The following ITFG1 variants were observed in gnomAD, a reference collection of about 807,000 sequenced individuals.
ITFG1 encodes the protein T-cell immunomodulatory protein.
In ITFG1, 34 loss-of-function variants were observed where a neutral mutation model predicts 81.8. The ratio of observed to expected loss-of-function variants is 0.42; its 90% CI spans 0.32 to 0.55. ITFG1 has a LOEUF of 0.55. Among genes scored for constraint, ITFG1 ranks in the 20% least tolerant of loss-of-function variants. The pLI is 0.17. For missense variants in ITFG1, 672 were observed against 755.4 expected, an observed-to-expected ratio of 0.89 and a Z score of 1.29; for synonymous variants, 285 against 270.6, an observed-to-expected ratio of 1.05 and a Z score of -0.52.
chr16:47,429,335 C>T (rs1969064456), intron 5 of ITFG1, among the ~76,000 whole-genome samples: 2 of 152,198 alleles, frequency 1.3e-5, no homozygotes, highest in Admixed American at 1.3e-4. Context: ...TATGGGTTTA[C>T]ATTTTGCTTA....
chr16:47,222,974 A>T (rs1402097914), intron 13 of ITFG1, among the ~76,000 whole-genome samples: 1 of 152,064 alleles, frequency 6.6e-6, no homozygotes, highest in African/African-American at 2.4e-5. Context: ...GAGAAAAACA[A>T]GCAATGGGGA....
intron 5 of ITFG1, among the ~76,000 whole-genome samples, chr16:47,437,859 G>T (rs1365796168): frequency 6.6e-6 from 1 of 152,216 alleles, no homozygotes; most frequent in Non-Finnish European, 1.5e-5. Flanking sequence ...GCAGCGCACC[G>T]TGTGTGAGCA....
intron 14 of ITFG1, among the ~76,000 whole-genome samples, chr16:47,198,699 G>A (rs1031673620): frequency 2.0e-5 from 3 of 152,122 alleles, no homozygotes; most frequent in African/African-American, 7.2e-5. Flanking sequence ...AGACTTTCTA[G>A]TGGAACAAGA....
At chr16:47,224,150 A>C (rs573590362) in intron 13 of ITFG1, among the ~76,000 whole-genome samples, 1 of 152,304 alleles carries the variant, frequency 6.6e-6, no homozygotes, top group African/African-American at 2.4e-5. Flanking sequence ...CCAGCATGGC[A>C]CATGTATACA....
chr16:47,159,011 A>G, intron 16 of ITFG1, 21 bp from the exon 17 acceptor site: 1 of 1,254,192 alleles, frequency 8.0e-7, no homozygotes, highest in Non-Finnish European at 1.1e-6. Context: ...AAACAGAACA[A>G]ATTAAAATTA....
At chr16:47,178,517 A>C (rs1965057733) in intron 14 of ITFG1, among the ~76,000 whole-genome samples, 1 of 152,226 alleles carries the variant, frequency 6.6e-6, no homozygotes, top group Admixed American at 6.5e-5. Flanking sequence ...AAAACTGGCT[A>C]GACATATGTA....
At chr16:47,265,109 T>C (rs1966260478) in intron 10 of ITFG1, among the ~76,000 whole-genome samples, 3 of 151,710 alleles carry the variant, frequency 2.0e-5, no homozygotes, top group Admixed American at 2.0e-4. Context: ...ACTGCTATTA[T>C]TATTATTATT....
At chr16:47,300,378 G>A (rs184731991) in intron 10 of ITFG1, among the ~76,000 whole-genome samples, 2 of 152,314 alleles carry the variant, frequency 1.3e-5, no homozygotes, top group Admixed American at 1.3e-4. Context: ...CTACCACTTG[G>A]TCACAACGGT....
At chr16:47,230,364 G>T (rs1195633742) in intron 13 of ITFG1, among the ~76,000 whole-genome samples, 1 of 152,132 alleles carries the variant, frequency 6.6e-6, no homozygotes, top group East Asian at 1.9e-4. Context: ...AAGCTCAAAG[G>T]CTAGACGATA....
chr16:47,301,805 T>C (rs1194332276), intron 10 of ITFG1, among the ~76,000 whole-genome samples: 1 of 152,232 alleles, frequency 6.6e-6, no homozygotes, highest in Non-Finnish European at 1.5e-5. Flanking sequence ...CTATATCTGG[T>C]GCTTATTTCC....
At chr16:47,181,383 C>T (rs1385800978) in intron 14 of ITFG1, among the ~76,000 whole-genome samples, 4 of 147,376 alleles carry the variant, frequency 2.7e-5, no homozygotes, top group Non-Finnish European at 6.0e-5. Flanking sequence ...GGCCAGCCAC[C>T]CCGTCCGGCA....
chr16:47,177,021 C>G (rs1965036223), intron 14 of ITFG1, among the ~76,000 whole-genome samples: 1 of 150,560 alleles, frequency 6.6e-6, no homozygotes, highest in Non-Finnish European at 1.5e-5. Flanking sequence ...TGCCTATGAT[C>G]ACACCATAGC....
intron 6 of ITFG1, among the ~76,000 whole-genome samples, chr16:47,413,574 T>C (rs914204132): frequency 6.6e-6 from 1 of 152,070 alleles, no homozygotes; most frequent in Admixed American, 6.5e-5. Context: ...CACACATCTG[T>C]AATCCCATCT....
chr16:47,305,097 C>A (rs1043333123), intron 10 of ITFG1, among the ~76,000 whole-genome samples: 2 of 152,112 alleles, frequency 1.3e-5, no homozygotes, highest in African/African-American at 2.4e-5. Context: ...TGAAATTTAT[C>A]TTGGTACCAC....
At chr16:47,171,839 G>A (rs959953995) in intron 14 of ITFG1, among the ~76,000 whole-genome samples, 1 of 152,180 alleles carries the variant, frequency 6.6e-6, no homozygotes, top group Non-Finnish European at 1.5e-5. Flanking sequence ...TACTCAGAGA[G>A]TATATAAAAT....
At position 47,454,112 on chromosome 16, in the gene ITFG1, C is replaced by T. The variant is rs1198006614; in HGVS notation, c.328G>A (p.Gly110Arg). ...ITSVVPGDYDGDSQMDVLLTY... is the reference protein window; with the variant it reads ...ITSVVPGDYDRDSQMDVLLTY... ...AGAAGGACATCCATTTGAGAATCTCCATCATAATCCCCAGGGACTACACTT... is the reference window on the plus strand; with the variant it reads ...AGAAGGACATCCATTTGAGAATCTCTATCATAATCCCCAGGGACTACACTT... The change falls in exon 3 of 18, where the codon GGA becomes AGA. Residue 110 changes from glycine to arginine, a missense_variant. Coordinates refer to ENST00000320640, the MANE Select transcript of ITFG1 (RefSeq NM_030790.5). The T allele has an allele frequency of 1.7e-5, 27 of 1,607,208 alleles. No homozygotes were observed. Among genetic ancestry groups the T allele is most frequent in the Non-Finnish European group, 2.3e-5 (27 of 1,174,326 alleles).
At chr16:47,240,129 G>GAA (rs569857397) in intron 12 of ITFG1, among the ~76,000 whole-genome samples, 6 of 107,262 alleles carry the variant, frequency 5.6e-5, no homozygotes, top group Admixed American at 1.0e-4. Context: ...CTGTCTACCA[G>GAA]AAAAAAAAAA....
intron 5 of ITFG1, among the ~76,000 whole-genome samples, chr16:47,443,419 A>C (rs1364678400): frequency 6.6e-6 from 1 of 152,180 alleles, no homozygotes; most frequent in Non-Finnish European, 1.5e-5. Context: ...AAGGATTATA[A>C]ATCATGCTGC....
At chr16:47,183,145 G>A (rs1455011115) in intron 14 of ITFG1, among the ~76,000 whole-genome samples, 2 of 152,208 alleles carry the variant, frequency 1.3e-5, no homozygotes, top group East Asian at 1.9e-4. Context: ...ACGGAGTCTC[G>A]CTGATTGCCA....
Sources: allele counts gnomAD v4.1 joint callset (sites outside exome capture counted in the v4.1 genomes callset), GRCh38; gene constraint gnomAD v4.1.1; transcripts MANE v1.5; gene names NCBI Gene and HGNC (gene_info 2026-07-23, HGNC 2026-07-21).